The following SLC8A1 variants were observed in gnomAD, a reference collection of about 807,000 sequenced individuals.
The protein encoded by SLC8A1 is sodium/calcium exchanger 1.
A neutral mutation model predicts 68.3 loss-of-function variants in SLC8A1; 18 were observed. The ratio of observed to expected loss-of-function variants is 0.26; its 90% CI spans 0.18 to 0.39. The LOEUF is 0.39. Among genes scored for constraint, SLC8A1 ranks in the 10% least tolerant of loss-of-function variants. SLC8A1 has a pLI of 1.00. For missense variants in SLC8A1, 985 were observed against 1,156.7 expected, an observed-to-expected ratio of 0.85 and a Z score of 2.15; for synonymous variants, 475 against 415.5, an observed-to-expected ratio of 1.14 and a Z score of -1.74.
chr2:40,412,320 T>G (rs563136111), intron 2 of SLC8A1, among the ~76,000 whole-genome samples: 2 of 152,300 alleles, frequency 1.3e-5, no homozygotes, highest in African/African-American at 4.8e-5. Flanking sequence ...CTAGTTTTCA[T>G]GAATGTGTTA....
At chr2:40,303,410 C>T (rs1259096196) in intron 2 of SLC8A1, among the ~76,000 whole-genome samples, 1 of 152,174 alleles carries the variant, frequency 6.6e-6, no homozygotes, top group Admixed American at 6.5e-5. Flanking sequence ...ATATTTTAGG[C>T]ACCCATTGAT....
intron 2 of SLC8A1, chr2:40,255,058 T>TAAATGACA (rs2149064204): frequency 8.8e-6 from 1 of 113,830 alleles, no homozygotes; most frequent in South Asian, 2.4e-4. Flanking sequence ...TCTTTCTCCT[T>TAAATGACA]AAATGACAGA....
At chr2:40,355,954 C>T (rs1672529612) in intron 2 of SLC8A1, among the ~76,000 whole-genome samples, 1 of 152,164 alleles carries the variant, frequency 6.6e-6, no homozygotes, top group Admixed American at 6.5e-5. Context: ...CCTTCAGGCA[C>T]AAACATGGAT....
intron 2 of SLC8A1, among the ~76,000 whole-genome samples, chr2:40,260,311 C>G (rs1184006858): frequency 6.6e-6 from 1 of 152,172 alleles, no homozygotes; most frequent in Non-Finnish European, 1.5e-5. Flanking sequence ...CACTGAAAAT[C>G]CAGATCAGCT....
intron 2 of SLC8A1, among the ~76,000 whole-genome samples, chr2:40,284,752 C>T (rs1401558074): frequency 6.6e-6 from 1 of 151,638 alleles, no homozygotes; most frequent in African/African-American, 2.4e-5. Context: ...AATCTCTTTT[C>T]CCATGAAGTT....
chr2:40,261,174 G>C (rs1036657091), intron 2 of SLC8A1, among the ~76,000 whole-genome samples: 1 of 152,192 alleles, frequency 6.6e-6, no homozygotes, highest in South Asian at 2.1e-4. Context: ...TGGAAGGCCA[G>C]TCTGGGGCGT....
chr2:40,397,703 T>G (rs1687427489), intron 2 of SLC8A1, among the ~76,000 whole-genome samples: 1 of 152,134 alleles, frequency 6.6e-6, no homozygotes, highest in African/African-American at 2.4e-5. Flanking sequence ...CACAAAGCAT[T>G]CAGAAGTGGA....
chr2:40,117,190 A>G (rs1249441242), intron 7 of SLC8A1, among the ~76,000 whole-genome samples: 2 of 152,072 alleles, frequency 1.3e-5, no homozygotes, highest in Non-Finnish European at 2.9e-5. Context: ...AGCTTCCTGT[A>G]TTAAGCATGT....
chr2:40,229,986 C>A (rs2059453835), intron 2 of SLC8A1, among the ~76,000 whole-genome samples: 1 of 152,066 alleles, frequency 6.6e-6, no homozygotes, highest in South Asian at 2.1e-4. Context: ...TCTTAGAGAT[C>A]AACTAAACCA....
chr2:40,451,834 G>A (rs1196842482), intron 1 of SLC8A1, 70 bp downstream of exon 1: 1 of 153,778 alleles, frequency 6.5e-6, no homozygotes, highest in Admixed American at 6.5e-5. Flanking sequence ...GTAGCCTTAT[G>A]AGCAGCAAAT....
At chr2:40,174,329 T>C (rs2048083351) in intron 4 of SLC8A1, among the ~76,000 whole-genome samples, 2 of 152,184 alleles carry the variant, frequency 1.3e-5, no homozygotes, top group Non-Finnish European at 2.9e-5. Flanking sequence ...CATTTATGTG[T>C]TATTAGGATC....
At chr2:40,404,068 AT>A (rs1001085721) in intron 2 of SLC8A1, among the ~76,000 whole-genome samples, 69 of 151,400 alleles carry the variant, frequency 4.6e-4, no homozygotes, top group African/African-American at 1.2e-3. Context: ...GAATTTCAGC[AT>A]TTTTTTTTAA....
At chr2:40,170,918 G>A (rs908979473) in intron 4 of SLC8A1, among the ~76,000 whole-genome samples, 1 of 152,172 alleles carries the variant, frequency 6.6e-6, no homozygotes, top group Non-Finnish European at 1.5e-5. Context: ...CAGGCAGAAT[G>A]TTATGTACGC....
At chr2:40,453,454 G>T (rs1031551251), upstream of SLC8A1, 2 of 152,112 alleles carry the variant, frequency 1.3e-5, no homozygotes, top group Non-Finnish European at 2.9e-5. Flanking sequence ...CTGACTCCAG[G>T]AACCTCAGTT....
chr2:40,454,513 A>C (rs574766766), upstream of SLC8A1, among the ~76,000 whole-genome samples: 21 of 142,568 alleles, frequency 1.5e-4, no homozygotes, highest in South Asian at 4.6e-3. Context: ...TTGACCATTG[A>C]AACTGAAAGG....
At chr2:40,503,562 A>T (rs1332498093) in intron 1 of SLC8A1, among the ~76,000 whole-genome samples, 3 of 152,108 alleles carry the variant, frequency 2.0e-5, no homozygotes, top group African/African-American at 7.2e-5. Context: ...AAAAACCAAA[A>T]GACTCCACAT....
chr2:40,259,809 G>A (rs2064443797), intron 2 of SLC8A1, among the ~76,000 whole-genome samples: 1 of 152,130 alleles, frequency 6.6e-6, no homozygotes. Flanking sequence ...GTTTGGGCTA[G>A]TATACCAAGT....
rs954769797 is a variant in SLC8A1 at position 40,106,635 on chromosome 2, T to C, written c.*8618A>G. ...ATTACCGATGGCAGTAAAAACCTTG[T>C]TCTCCTTAGAGTTTTGGACTGAAAC... is the stretch of plus-strand genomic sequence containing the variant. On this transcript the variant is annotated 3_prime_UTR_variant, in exon 8 of 8. Coordinates refer to ENST00000406785, the Ensembl canonical transcript of SLC8A1. The C allele has an allele frequency of 2.6e-5, 4 of 152,230 alleles. No homozygotes were observed. In the East Asian group the frequency reaches 7.7e-4, roughly 29 times the overall value. The allele number at this position is 152,230 out of a possible 1,614,324, so 9.4% of individuals were successfully genotyped here.
At chr2:40,354,597 T>C (rs1672119391) in intron 2 of SLC8A1, among the ~76,000 whole-genome samples, 2 of 152,162 alleles carry the variant, frequency 1.3e-5, no homozygotes, top group African/African-American at 4.8e-5. Context: ...CAGAGCACAG[T>C]AGTAAGGAGG....
Sources: allele counts gnomAD v4.1 joint callset (sites outside exome capture counted in the v4.1 genomes callset), GRCh38; gene constraint gnomAD v4.1.1; transcripts MANE v1.5; gene names NCBI Gene and HGNC (gene_info 2026-07-23, HGNC 2026-07-21).